The following NBDY variants were observed in gnomAD, a reference collection of about 807,000 sequenced individuals.
NBDY encodes the protein P-body dissociating protein.
At chrX:56,807,075 C>T (rs765593859) in intron 2 of NBDY, among the ~76,000 whole-genome samples, 1 of 111,885 alleles carries the variant, frequency 8.9e-6, no homozygotes, top group South Asian at 3.7e-4. Flanking sequence ...ATAGAAAATC[C>T]TTCCCCATGG....
rs749497503 is a variant in NBDY, at chrX:56,758,523, A to G, written c.*166+26324A>G. Reference sequence around the variant, plus strand: ...TCATATGTGCCCAGGAATGGGTGGGATATTCCGGATGGGTTCCACAGGTGG... The same window carrying G: ...TCATATGTGCCCAGGAATGGGTGGGGTATTCCGGATGGGTTCCACAGGTGG... On this transcript the variant is annotated intron_variant, in intron 2 of 2. Transcript: ENST00000374922. Among the ~76,000 whole-genome samples the G allele has an allele frequency of 3.6e-4, 40 of 111,052 alleles. No homozygotes were observed. The South Asian group carries it at 7.0e-3, about 19-fold the overall frequency.
chrX:56,761,139 C>T (rs964751894), intron 2 of NBDY, among the ~76,000 whole-genome samples: 1 of 112,056 alleles, frequency 8.9e-6, no homozygotes, highest in African/African-American at 3.2e-5. Flanking sequence ...CGTTTAACTC[C>T]CATCACATCT....
chrX:56,752,659 G>A (rs1034657315), intron 2 of NBDY, among the ~76,000 whole-genome samples: 7 of 110,339 alleles, frequency 6.3e-5, no homozygotes, highest in African/African-American at 2.3e-4. Flanking sequence ...GCCCACTCTG[G>A]AGTGCAGTGG....
intron 2 of NBDY, among the ~76,000 whole-genome samples, chrX:56,784,772 G>A (rs991684402): frequency 5.4e-5 from 6 of 111,412 alleles, no homozygotes; most frequent in Non-Finnish European, 3.8e-5. Context: ...TGAATGAGTC[G>A]GTCGAGGACA....
intron 2 of NBDY, among the ~76,000 whole-genome samples, chrX:56,802,005 CACACACACACAA>C (rs1229207290): frequency 9.3e-6 from 1 of 107,489 alleles, no homozygotes; most frequent in African/African-American, 3.4e-5. Flanking sequence ...CACACACACA[CACACACACACAA>C]ATCCTCACAC....
intron 2 of NBDY, among the ~76,000 whole-genome samples, chrX:56,798,228 G>C (rs1366960395): frequency 7.1e-5 from 8 of 112,492 alleles, no homozygotes; most frequent in African/African-American, 1.9e-4. Flanking sequence ...CACAGCAGCA[G>C]ATGTGAAACT....
chrX:56,803,037 A>T (rs2069832099), intron 2 of NBDY, among the ~76,000 whole-genome samples: 1 of 111,455 alleles, frequency 9.0e-6, no homozygotes, highest in South Asian at 3.8e-4. Context: ...GTAGAGCCAT[A>T]GTGCCATCGA....
intron 2 of NBDY, among the ~76,000 whole-genome samples, chrX:56,753,363 A>G (rs1277660738): frequency 8.9e-6 from 1 of 112,357 alleles, no homozygotes; most frequent in East Asian, 2.8e-4. Context: ...TCAGGTGAAG[A>G]AAGTTAGCAA....
At position 56,819,055 on chromosome X, in the gene NBDY, A is replaced by G. The variant is rs1298362877; in HGVS notation, c.*1902A>G. 1 of 110,179 alleles carries G rather than the reference A, an allele frequency of 9.1e-6. No individual in the cohort carries two copies. Among genetic ancestry groups the G allele is most frequent in the Non-Finnish European group, 1.9e-5 (1 of 52,723 alleles). The allele number at this position is 110,179 out of a possible 1,213,427, so 9.1% of individuals were successfully genotyped here. A position where few individuals can be genotyped will look rare whatever the true frequency, so the allele number is the denominator to read the frequency against. ...CAAAATACAAAAATTAACTCAAAAT[A>G]GGCCAAAGACTCAAATATAAGGGTT... On this transcript the variant is annotated 3_prime_UTR_variant, in exon 3 of 3. Transcript: ENST00000374922.
chrX:56,786,991 C>T (rs935529070), intron 2 of NBDY, among the ~76,000 whole-genome samples: 7 of 111,363 alleles, frequency 6.3e-5, no homozygotes, highest in Admixed American at 3.8e-4. Flanking sequence ...TATTATTTCC[C>T]GTTCTCCTTC....
chrX:56,805,345 C>T (rs2069843547), intron 2 of NBDY, among the ~76,000 whole-genome samples: 1 of 112,199 alleles, frequency 8.9e-6, no homozygotes, highest in Admixed American at 9.4e-5. Context: ...CCCATCACAT[C>T]TCACCTTTTT....
intron 2 of NBDY, among the ~76,000 whole-genome samples, chrX:56,795,528 T>C (rs891005321): frequency 8.9e-6 from 1 of 112,241 alleles, no homozygotes. Flanking sequence ...CTGTCTTTGC[T>C]TGTTACAAGT....
chrX:56,784,164 C>G (rs138592861), intron 2 of NBDY, among the ~76,000 whole-genome samples: 124 of 112,525 alleles, frequency 1.1e-3, no homozygotes, highest in Middle Eastern at 4.6e-3. Context: ...CTCAGCTCCC[C>G]CTAGGCAAGA....
chrX:56,758,692 T>C (rs1199623930), intron 2 of NBDY, among the ~76,000 whole-genome samples: 3 of 111,832 alleles, frequency 2.7e-5, no homozygotes, highest in Non-Finnish European at 5.6e-5. Flanking sequence ...AGTGCTCAGT[T>C]TCTCCTGGGC....
At chrX:56,786,819 A>C (rs2069731773) in intron 2 of NBDY, among the ~76,000 whole-genome samples, 1 of 111,003 alleles carries the variant, frequency 9.0e-6, no homozygotes, top group Non-Finnish European at 1.9e-5. Context: ...GTTCCTCTGC[A>C]ACATTAGGCC....
At chrX:56,795,429 T>TG (rs768786155) in intron 2 of NBDY, among the ~76,000 whole-genome samples, 7 of 112,392 alleles carry the variant, frequency 6.2e-5, no homozygotes, top group South Asian at 7.4e-4. Flanking sequence ...ATGACCGTGT[T>TG]GCTCTAAAGG....
intron 2 of NBDY, among the ~76,000 whole-genome samples, chrX:56,807,394 A>G (rs917245654): frequency 9.0e-5 from 10 of 111,440 alleles, no homozygotes; most frequent in African/African-American, 2.9e-4. Context: ...GAATCTATAA[A>G]TTACCCTGGG....
chrX:56,766,467 C>A (rs756497959), intron 2 of NBDY, among the ~76,000 whole-genome samples: 22 of 111,703 alleles, frequency 2.0e-4, no homozygotes, highest in Non-Finnish European at 4.0e-4. Flanking sequence ...CTTACACATA[C>A]CCACACAAAC....
At chrX:56,803,318 C>T (rs768937778) in intron 2 of NBDY, among the ~76,000 whole-genome samples, 1 of 111,935 alleles carries the variant, frequency 8.9e-6, no homozygotes, top group African/African-American at 3.2e-5. Flanking sequence ...CCCACAGCAC[C>T]CCACAGCTCC....
Sources: allele counts gnomAD v4.1 joint callset (sites outside exome capture counted in the v4.1 genomes callset), GRCh38; gene constraint gnomAD v4.1.1; transcripts MANE v1.5; gene names NCBI Gene and HGNC (gene_info 2026-07-23, HGNC 2026-07-21).